Variants in AGFG1 observed in about 807,000 individuals in gnomAD.
The protein encoded by AGFG1 is arf-GAP domain and FG repeat-containing protein 1.
AGFG1 carries 10 observed loss-of-function variants against 60.6 expected under a neutral mutation model. That is an observed-to-expected ratio of 0.16 (90% confidence interval 0.10 to 0.28). The LOEUF is 0.28. Ranked by LOEUF, AGFG1 falls within the 10% of genes least tolerant of loss-of-function variation. The pLI is 1.00. For synonymous variants in AGFG1, 247 were observed against 242.9 expected (o/e 1.02, Z -0.16); for missense variants, 537 against 676.5 (o/e 0.79, Z 2.29).
intron 1 of AGFG1, among the ~76,000 whole-genome samples, chr2:227,476,142 T>A (rs539260102): frequency 2.0e-4 from 31 of 152,182 alleles, no homozygotes; most frequent in Non-Finnish European, 3.7e-4. Context: ...ATTGTAAAAC[T>A]TTAAAATGAA....
intron 6 of AGFG1, chr2:227,532,210 G>A (rs1273239636): frequency 6.5e-7 from 1 of 1,543,414 alleles, no homozygotes; most frequent in Non-Finnish European, 8.7e-7. Context: ...GCTACCCACA[G>A]TAAGTTCTGT....
chr2:227,537,725 A>G lies in AGFG1; in HGVS notation c.1378+732A>G, dbSNP rs142026388. On this transcript the variant is annotated intron_variant, in intron 10 of 12. Transcript: ENST00000310078. ...GTGCATTTGGTATGGCTGGGTATCCATTAAATCTAGAGTTTGTATGCTTTG... is the reference window on the plus strand; with the variant it reads ...GTGCATTTGGTATGGCTGGGTATCCGTTAAATCTAGAGTTTGTATGCTTTG... Among the ~76,000 whole-genome samples, 138 of 152,338 alleles carry G rather than the reference A, an allele frequency of 9.1e-4. 3 individuals are homozygous for G. The East Asian group carries it at 0.024, about 27-fold the overall frequency.
chr2:227,487,786 C>G (rs565388589), intron 1 of AGFG1, among the ~76,000 whole-genome samples: 13 of 152,280 alleles, frequency 8.5e-5, no homozygotes, highest in Non-Finnish European at 1.6e-4. Context: ...ATTTTCATTG[C>G]AACTCATCAC....
chr2:227,499,639 C>CAA (rs34358491), intron 2 of AGFG1, among the ~76,000 whole-genome samples: 19 of 98,514 alleles, frequency 1.9e-4, no homozygotes, highest in Non-Finnish European at 2.3e-4. Context: ...GACTCTGTCT[C>CAA]AAAAAAAAAA....
chr2:227,532,423 T>C (rs1009255638), intron 6 of AGFG1, among the ~76,000 whole-genome samples: 1 of 152,154 alleles, frequency 6.6e-6, no homozygotes, highest in Non-Finnish European at 1.5e-5. Flanking sequence ...ATAATATTCT[T>C]TATATAAATT....
chr2:227,498,758 A>G (rs566747695), intron 2 of AGFG1, among the ~76,000 whole-genome samples: 19 of 152,318 alleles, frequency 1.2e-4, no homozygotes, highest in Non-Finnish European at 2.6e-4. Flanking sequence ...AGAAGAAGCT[A>G]GATGTTGTTT....
At chr2:227,526,682 A>C (rs1692005539) in intron 5 of AGFG1, among the ~76,000 whole-genome samples, 1 of 149,988 alleles carries the variant, frequency 6.7e-6, no homozygotes, top group African/African-American at 2.5e-5. Context: ...AACTGGGATC[A>C]CAGGCGCCCG....
At chr2:227,486,776 T>G (rs140591278) in intron 1 of AGFG1, among the ~76,000 whole-genome samples, 33 of 152,306 alleles carry the variant, frequency 2.2e-4, no homozygotes, top group African/African-American at 7.7e-4. Context: ...TTTACATATT[T>G]ATTATATTTA....
chr2:227,493,707 T>G (rs1331120914), intron 2 of AGFG1, among the ~76,000 whole-genome samples: 1 of 152,146 alleles, frequency 6.6e-6, no homozygotes, highest in Admixed American at 6.5e-5. Context: ...CTGTGCTGGG[T>G]ATTAGGGATG....
intron 12 of AGFG1, among the ~76,000 whole-genome samples, 195 bp from the exon 13 acceptor site, chr2:227,554,241 A>G (rs13382948): frequency 0.5 from 75,298 of 152,030 alleles, 19,657 homozygotes; most frequent in South Asian, 0.67. Context: ...TGGATATGAA[A>G]GACGTAGCAC....
chr2:227,507,590 G>A (rs149827234), intron 2 of AGFG1, among the ~76,000 whole-genome samples: 4,678 of 104,574 alleles, frequency 0.045, 112 homozygotes, highest in Non-Finnish European at 0.049. Flanking sequence ...ACGACAGAGC[G>A]AGACTCTGTC....
intron 2 of AGFG1, among the ~76,000 whole-genome samples, chr2:227,515,289 C>A (rs767322224): frequency 1.3e-5 from 2 of 152,102 alleles, no homozygotes; most frequent in Non-Finnish European, 2.9e-5. Flanking sequence ...CCAGTATCCA[C>A]GTAGATATCT....
chr2:227,534,692 G>T (rs1283435726), intron 7 of AGFG1, among the ~76,000 whole-genome samples, 153 bp from the exon 8 acceptor site: 1 of 152,184 alleles, frequency 6.6e-6, no homozygotes, highest in Non-Finnish European at 1.5e-5. Context: ...ATCCTGTCCA[G>T]TATGGTCCAG....
chr2:227,493,773 C>T (rs1358448750), intron 2 of AGFG1, among the ~76,000 whole-genome samples: 6 of 151,942 alleles, frequency 3.9e-5, no homozygotes, highest in Non-Finnish European at 7.4e-5. Flanking sequence ...GTTGGTGTGA[C>T]AGATACATAA....
chr2:227,499,590 AG>A (rs1691086875), intron 2 of AGFG1, among the ~76,000 whole-genome samples: 2 of 151,874 alleles, frequency 1.3e-5, no homozygotes, highest in African/African-American at 4.8e-5. Flanking sequence ...TAGTGAGCCA[AG>A]ATGGCACCAC....
At chr2:227,532,465 C>T (rs1018958485) in intron 6 of AGFG1, among the ~76,000 whole-genome samples, 26 of 152,048 alleles carry the variant, frequency 1.7e-4, no homozygotes, top group African/African-American at 3.4e-4. Context: ...TGTTTGCCAG[C>T]TCCTTGTAAC....
At chr2:227,551,608 AAAC>A (rs1294335407) in intron 10 of AGFG1, among the ~76,000 whole-genome samples, 1 of 152,202 alleles carries the variant, frequency 6.6e-6, no homozygotes, top group African/African-American at 2.4e-5. Context: ...ACAAAACTAA[AAAC>A]AAAAATGTAT....
At chr2:227,502,749 T>C (rs1181849208) in intron 2 of AGFG1, among the ~76,000 whole-genome samples, 1 of 152,244 alleles carries the variant, frequency 6.6e-6, no homozygotes, top group Non-Finnish European at 1.5e-5. Context: ...CTGCTTCCTC[T>C]CAAATCATGA....
chr2:227,540,166 T>A (rs1207059833), intron 10 of AGFG1, among the ~76,000 whole-genome samples: 2 of 150,534 alleles, frequency 1.3e-5, no homozygotes, highest in South Asian at 4.2e-4. Context: ...AATAATCATT[T>A]TTTCTGGATT....
Sources: allele counts gnomAD v4.1 joint callset (sites outside exome capture counted in the v4.1 genomes callset), GRCh38; gene constraint gnomAD v4.1.1; transcripts MANE v1.5; gene names NCBI Gene and HGNC (gene_info 2026-07-23, HGNC 2026-07-21).